The following LSR variants were observed in gnomAD, a reference collection of about 807,000 sequenced individuals.
LSR encodes lipolysis stimulated lipoprotein receptor.
A neutral mutation model predicts 61.8 loss-of-function variants in LSR; 44 were observed. The observed-to-expected ratio is 0.71, with a 90% confidence interval of 0.56 to 0.91. LSR has a LOEUF of 0.91. Among genes scored for constraint, LSR ranks in the 40% least tolerant of loss-of-function variants. The probability of loss-of-function intolerance (pLI) is 0.00; values close to 1 mark genes in which losing one functional copy is unlikely to be tolerated. For synonymous variants in LSR, 397 were observed against 350.6 expected (o/e 1.13, Z -1.48); for missense variants, 911 against 830.5 (o/e 1.10, Z -1.19).
At chr19:35,255,176 A>G (rs1379721276) in intron 2 of LSR, among the ~76,000 whole-genome samples, 1 of 152,024 alleles carries the variant, frequency 6.6e-6, no homozygotes, top group Admixed American at 6.6e-5. Flanking sequence ...AGAGACTACA[A>G]AAAAATAAAT....
intron 2 of LSR, among the ~76,000 whole-genome samples, chr19:35,254,538 T>C (rs1478447706): frequency 1.3e-5 from 2 of 152,226 alleles, no homozygotes; most frequent in Non-Finnish European, 2.9e-5. Flanking sequence ...GGAGGCCCTG[T>C]TCCACCTCCT....
In LSR at chr19:35,267,313, A is replaced by G. The variant is rs1029427384; in HGVS notation, c.1349A>G (p.Asp450Gly). The G allele has an allele frequency of 2.6e-5, 40 of 1,553,438 alleles. No individual in the cohort carries two copies. Among genetic ancestry groups the G allele is most frequent in the Non-Finnish European group, 3.5e-5 (40 of 1,149,640 alleles). The change falls in exon 9 of 10, where the codon GAC becomes GGC. Residue 450 changes from aspartate to glycine, a missense_variant. Physicochemically the swap from Asp to Gly is moderately conservative, Grantham distance 94. Transcript: ENST00000605618. ...CGGGCCCGCTCCGTGGACGCCCTGGACGACCTCACCCCGCCGAGCACCGCC... is the reference window on the plus strand; with the variant it reads ...CGGGCCCGCTCCGTGGACGCCCTGGGCGACCTCACCCCGCCGAGCACCGCC... Reference protein sequence around the residue: ...RPRARSVDALDDLTPPSTAES... With the variant: ...RPRARSVDALGDLTPPSTAES...
rs1048547972 is a variant in LSR at position 35,259,004 on chromosome 19, G to C, written c.514G>C (p.Val172Leu). The change falls in exon 3 of 10, where the codon GTG becomes CTG. Residue 172 changes from valine (V) to leucine (L), a missense_variant. By Grantham distance (32) the Val-to-Leu change is conservative. Coordinates refer to ENST00000605618, the MANE Select transcript of LSR (RefSeq NM_205834.4). ...WGDSGVYYCS[V>L]VSAQDLQGNN... ...GGACAGTGGTGTGTATTACTGCTCC[G>C]TGGTCTCAGCCCAGGACCTCCAGGG... is the stretch of plus-strand genomic sequence containing the variant. 2 of 1,614,026 alleles carry C rather than the reference G, an allele frequency of 1.2e-6. No homozygotes were observed. The highest frequency in any genetic ancestry group is 1.7e-6 in the Non-Finnish European group (2 of 1,179,984).
rs1310256952 is a variant in LSR, at chr19:35,267,529, G to C, written c.1565G>C (p.Arg522Pro). The change falls in exon 9 of 10, where the codon CGT becomes CCT. Residue 522 changes from arginine (R) to proline (P), a missense_variant. Arg to Pro is a moderately radical substitution (Grantham distance 103). Coordinates refer to ENST00000605618, the MANE Select transcript of LSR (RefSeq NM_205834.4). ...GCCGACCCCAGGTCCCACCACCACC[G>C]TACCCGGGACCCTCGGGACAACGGC... ...PPADPRSHHH[R>P]TRDPRDNGSR... is the part of the protein sequence containing the mutation. 1.9e-6 allele frequency: 3 copies of C among 1,612,004 alleles called. No individual in the cohort carries two copies. The highest frequency in any genetic ancestry group is 2.5e-6 in the Non-Finnish European group (3 of 1,179,724).
chr19:35,256,568 C>T (rs1050542168), intron 2 of LSR, among the ~76,000 whole-genome samples: 1 of 152,194 alleles, frequency 6.6e-6, no homozygotes, highest in African/African-American at 2.4e-5. Context: ...ACTTTGACCT[C>T]AGGATCTCCT....
In LSR at chr19:35,266,966, G is replaced by A; in HGVS notation, c.1143G>A (p.Arg381=). 1 of 1,610,428 alleles carries A rather than the reference G, an allele frequency of 6.2e-7. No individual in the cohort carries two copies. Among genetic ancestry groups the A allele is most frequent in the Non-Finnish European group, 8.5e-7 (1 of 1,178,302 alleles). Reference sequence around the variant, plus strand: ...GCCCCCCCAGTGGCCGTGTGGAGCGGGGTAAGCAGGAGCCTTGGGGTCTGA... The same window carrying A: ...GCCCCCCCAGTGGCCGTGTGGAGCGAGGTAAGCAGGAGCCTTGGGGTCTGA... ...RPGPPSGRVE[R]AMSEVTSLHE... Residue 381 remains arginine (R), a splice_region_variant and synonymous_variant, in exon 8 of 10, where the codon CGG becomes CGA. Transcript: ENST00000605618.
intron 2 of LSR, among the ~76,000 whole-genome samples, chr19:35,254,066 C>T (rs1461172008): frequency 6.6e-6 from 1 of 152,170 alleles, no homozygotes; most frequent in Non-Finnish European, 1.5e-5. Flanking sequence ...AAAGTGGACT[C>T]CCCGTGGTGT....
intron 5 of LSR, chr19:35,264,910 C>T (rs1273904947): frequency 1.3e-5 from 2 of 151,828 alleles, no homozygotes; most frequent in African/African-American, 4.8e-5. Context: ...GACTGAGGGA[C>T]AGGGCACCAG....
intron 2 of LSR, among the ~76,000 whole-genome samples, chr19:35,251,878 A>T (rs1250318099): frequency 9.3e-6 from 1 of 108,066 alleles, no homozygotes; most frequent in Non-Finnish European, 1.9e-5. Flanking sequence ...TCTGTCGCCC[A>T]GGCTGGAGTG....
At chr19:35,255,491 C>T (rs577298133) in intron 2 of LSR, among the ~76,000 whole-genome samples, 3 of 152,260 alleles carry the variant, frequency 2.0e-5, no homozygotes, top group Admixed American at 1.3e-4. Context: ...GTGGCTCATG[C>T]CTGTAATCCC....
At chr19:35,266,336 T>G in intron 5 of LSR, 23 bp from the exon 6 acceptor site, 1 of 1,546,190 alleles carries the variant, frequency 6.5e-7, no homozygotes, top group Non-Finnish European at 8.7e-7. Context: ...ATCCCCCTTC[T>G]CCTGTTGATT....
chr19:35,265,130 A>G (rs1380515988), intron 5 of LSR, among the ~76,000 whole-genome samples: 1 of 152,216 alleles, frequency 6.6e-6, no homozygotes, highest in Non-Finnish European at 1.5e-5. Context: ...CTGGAGGCTT[A>G]TGCAGGCCAT....
At chr19:35,258,883 C>T in intron 2 of LSR, 62 bp from the exon 3 acceptor site, 2 of 1,607,550 alleles carry the variant, frequency 1.2e-6, no homozygotes, top group African/African-American at 1.3e-5. Context: ...GGGTCTTTGG[C>T]CCTCCAGGGG....
intron 1 of LSR, 45 bp from the exon 2 acceptor site, chr19:35,250,270 C>A: frequency 7.3e-7 from 1 of 1,374,394 alleles, no homozygotes; most frequent in Non-Finnish European, 9.9e-7. Flanking sequence ...TGAAGCACCT[C>A]CCTGAGCTCA....
intron 5 of LSR, chr19:35,264,811 T>C (rs922471750): frequency 3.9e-4 from 60 of 152,218 alleles, no homozygotes; most frequent in African/African-American, 1.4e-3. Flanking sequence ...GGCGAGCTCA[T>C]GTGCACACCA....
chr19:35,258,826 C>T lies in LSR; in HGVS notation c.455-119C>T, dbSNP rs1348547332. The T allele has an allele frequency of 9.4e-6, 12 of 1,274,258 alleles. No individual in the cohort carries two copies. The Middle Eastern group carries it at 7.5e-4, about 80-fold the overall frequency. The allele number at this position is 1,274,258 out of a possible 1,614,324, so 78.9% of individuals were successfully genotyped here. ...CTTTGCATATGCATTTGATCATCTG[C>T]AGCCTGCCCAGCCCACTGCTTGCCC... On this transcript the variant is annotated intron_variant, in intron 2 of 9. Coordinates refer to ENST00000605618, the MANE Select transcript of LSR (RefSeq NM_205834.4).
chr19:35,259,768 C>T (rs1203660799), intron 3 of LSR, among the ~76,000 whole-genome samples: 2 of 152,244 alleles, frequency 1.3e-5, no homozygotes, highest in Admixed American at 6.5e-5. Context: ...CGCCAAAGCA[C>T]AGCGGTTTTG....
chr19:35,252,384 C>G (rs1202894821), intron 2 of LSR, among the ~76,000 whole-genome samples: 2 of 151,890 alleles, frequency 1.3e-5, no homozygotes, highest in African/African-American at 4.8e-5. Flanking sequence ...CACGGTGGCT[C>G]ACGTCTGTAA....
chr19:35,260,870 A>G lies in LSR; in HGVS notation c.575-1055A>G, dbSNP rs186131992. ...CACACACACACGCATATAGTCCATTAGGCATCAGGGCGATGATGGCATCAG... is the reference window on the plus strand; with the variant it reads ...CACACACACACGCATATAGTCCATTGGGCATCAGGGCGATGATGGCATCAG... On this transcript the variant is annotated intron_variant, in intron 3 of 9. Transcript: ENST00000605618. Among the ~76,000 whole-genome samples, 484 of 152,214 alleles carry G rather than the reference A, an allele frequency of 3.2e-3. 2 individuals are homozygous for G. Among genetic ancestry groups the G allele is most frequent in the African/African-American group, 0.01 (428 of 41,500 alleles).
Sources: allele counts gnomAD v4.1 joint callset (sites outside exome capture counted in the v4.1 genomes callset), GRCh38; gene constraint gnomAD v4.1.1; transcripts MANE v1.5; gene names NCBI Gene and HGNC (gene_info 2026-07-23, HGNC 2026-07-21).